The following OR2L13 variants were observed in gnomAD, a reference collection of about 807,000 sequenced individuals.
The protein encoded by OR2L13 is olfactory receptor family 2 subfamily L member 13.
OR2L13 carries 14 observed loss-of-function variants against 15.3 expected under a neutral mutation model. The observed-to-expected ratio is 0.91, with a 90% CI of 0.60 to 1.43. The LOEUF is 1.43. OR2L13 is among the 40% of genes most tolerant of loss of function. OR2L13 has a pLI of 0.00. For synonymous variants in OR2L13, 152 were observed against 142.9 expected (o/e 1.06, Z -0.45); for missense variants, 367 against 387.9 (o/e 0.95, Z 0.45).
At chr1:247,987,593 G>C in the OR2L13 span, among the ~76,000 whole-genome samples, 1 of 152,012 alleles carries the variant, frequency 6.6e-6, no homozygotes, top group Non-Finnish European at 1.5e-5. Flanking sequence ...TAAAATATTC[G>C]ACCCATAACA....
At chr1:247,951,341 A>G in the OR2L13 span, among the ~76,000 whole-genome samples, 1 of 152,194 alleles carries the variant, frequency 6.6e-6, no homozygotes, top group Non-Finnish European at 1.5e-5. Context: ...GTATTTTGAC[A>G]GACATTGCAT....
chr1:248,096,349 C>T (rs1429471860), upstream of OR2L13, among the ~76,000 whole-genome samples: 1 of 150,748 alleles, frequency 6.6e-6, no homozygotes, highest in African/African-American at 2.4e-5. Flanking sequence ...GGCCACTGCA[C>T]TCCAGCCTGG....
the OR2L13 span, chr1:248,038,582 T>A: frequency 1.2e-6 from 2 of 1,614,166 alleles, no homozygotes; most frequent in Admixed American, 3.3e-5. Context: ...TCTTCTTGAC[T>A]TTAGCAGTTG....
the OR2L13 span, chr1:248,003,082 G>A: frequency 1.1e-6 from 1 of 927,588 alleles, no homozygotes; most frequent in South Asian, 1.5e-5. Flanking sequence ...ATGAATTTCT[G>A]TCTTAACTTA....
At chr1:248,061,844 C>T in the OR2L13 span, 1 of 387,202 alleles carries the variant, frequency 2.6e-6, no homozygotes, top group Non-Finnish European at 4.6e-6. Flanking sequence ...TTGAAAGCAC[C>T]TACTTTTACT....
At chr1:248,100,255 A>G in exon 3 of OR2L13, 1 of 1,613,536 alleles carries the variant, frequency 6.2e-7, no homozygotes, top group Non-Finnish European at 8.5e-7. Context: ...CCTGAGGAAT[A>G]AGGAAGTCCT....
the OR2L13 span, among the ~76,000 whole-genome samples, chr1:247,969,153 G>A: frequency 6.6e-6 from 1 of 152,150 alleles, no homozygotes; most frequent in East Asian, 1.9e-4. Context: ...CTTTTGAGAA[G>A]TGTCTGCTCA....
At chr1:248,073,583 A>G in the OR2L13 span, among the ~76,000 whole-genome samples, 1 of 152,070 alleles carries the variant, frequency 6.6e-6, no homozygotes, top group East Asian at 1.9e-4. Flanking sequence ...ATATGTAACT[A>G]ACCTGCACAT....
chr1:247,996,261 C>T, the OR2L13 span, among the ~76,000 whole-genome samples: 5 of 152,130 alleles, frequency 3.3e-5, no homozygotes, highest in South Asian at 2.1e-4. Flanking sequence ...TGTGCCACTG[C>T]GCCCTGCTCT....
the OR2L13 span, among the ~76,000 whole-genome samples, chr1:248,032,206 C>T: frequency 6.6e-6 from 1 of 152,068 alleles, no homozygotes; most frequent in African/African-American, 2.4e-5. Flanking sequence ...ATAAATTGCT[C>T]TGTAGAGGCT....
the OR2L13 span, among the ~76,000 whole-genome samples, chr1:247,964,225 A>G: frequency 6.8e-3 from 1,033 of 152,278 alleles, 14 homozygotes; most frequent in African/African-American, 0.023. Flanking sequence ...TTGACATATA[A>G]TATTTCATTG....
the OR2L13 span, among the ~76,000 whole-genome samples, chr1:248,068,095 A>T: frequency 6.6e-6 from 1 of 152,210 alleles, no homozygotes. Flanking sequence ...AGACAGCAGT[A>T]ACCTCTGAAG....
chr1:248,007,352 C>A, the OR2L13 span, among the ~76,000 whole-genome samples: 2 of 152,250 alleles, frequency 1.3e-5, no homozygotes, highest in Admixed American at 1.3e-4. Context: ...TCATAAATGA[C>A]ACTTCAAAAG....
the OR2L13 span, chr1:248,023,136 A>G: frequency 5.5e-5 from 18 of 327,358 alleles, no homozygotes; most frequent in Non-Finnish European, 8.9e-5. Flanking sequence ...GAATTTCATT[A>G]TCATGTATAA....
At chr1:248,006,761 G>A in the OR2L13 span, among the ~76,000 whole-genome samples, 1 of 152,088 alleles carries the variant, frequency 6.6e-6, no homozygotes, top group Admixed American at 6.5e-5. Flanking sequence ...GAGCTTGTTT[G>A]TGCCTTCTAC....
At chr1:248,041,919 A>G in the OR2L13 span, 2 of 152,208 alleles carry the variant, frequency 1.3e-5, no homozygotes, top group African/African-American at 4.8e-5. Context: ...ACTGTAAACT[A>G]GTTCAACCAT....
At chr1:248,020,006 G>A in the OR2L13 span, among the ~76,000 whole-genome samples, 1 of 152,112 alleles carries the variant, frequency 6.6e-6, no homozygotes, top group Non-Finnish European at 1.5e-5. Flanking sequence ...TGGTCTCAAT[G>A]TTCTGAGCTC....
At chr1:247,975,503 C>T in the OR2L13 span, 1 of 972,008 alleles carries the variant, frequency 1.0e-6, no homozygotes, top group Admixed American at 1.7e-5. Flanking sequence ...TATCTATATC[C>T]AAGATACCTG....
chr1:248,060,865 C>T, the OR2L13 span: 6 of 1,613,830 alleles, frequency 3.7e-6, no homozygotes, highest in East Asian at 2.2e-5. Context: ...GTATTTCCTA[C>T]TTAGTCAGCT....
Sources: allele counts gnomAD v4.1 joint callset (sites outside exome capture counted in the v4.1 genomes callset), GRCh38; gene constraint gnomAD v4.1.1; transcripts MANE v1.5; gene names NCBI Gene and HGNC (gene_info 2026-07-23, HGNC 2026-07-21).